Variants in HOOK3 observed in about 807,000 individuals in gnomAD.
The protein encoded by HOOK3 is hook microtubule tethering protein 3.
In HOOK3, 24 loss-of-function variants were observed where a neutral mutation model predicts 116.3. The ratio of observed to expected loss-of-function variants is 0.21; its 90% CI spans 0.15 to 0.29. The LOEUF is 0.29. HOOK3 is among the 10% of genes least tolerant of loss of function. The pLI, the probability that HOOK3 is intolerant of heterozygous loss-of-function variation, is 1.00. For synonymous variants in HOOK3, 275 were observed against 283.0 expected, an observed-to-expected ratio of 0.97 and a Z score of 0.28; for missense variants, 632 against 830.2, an observed-to-expected ratio of 0.76 and a Z score of 2.93.
At chr8:42,946,221 C>G (rs1030127268) in intron 5 of HOOK3, among the ~76,000 whole-genome samples, 3 of 152,074 alleles carry the variant, frequency 2.0e-5, no homozygotes, top group Admixed American at 1.3e-4. Context: ...CACAGATACC[C>G]GTATGATGAA....
chr8:43,004,195 T>TG (rs2130476389), intron 17 of HOOK3, among the ~76,000 whole-genome samples: 1 of 149,236 alleles, frequency 6.7e-6, no homozygotes, highest in South Asian at 2.1e-4. Context: ...GGTGAAACTC[T>TG]GTCTCTACTA....
At chr8:42,962,796 CTTTTTT>C (rs34722373) in intron 8 of HOOK3, among the ~76,000 whole-genome samples, 67 of 99,344 alleles carry the variant, frequency 6.7e-4, no homozygotes, top group Non-Finnish European at 1.1e-3. Context: ...ACTTCTTCTT[CTTTTTT>C]TTTTTTTTTT....
At chr8:42,981,743 G>A (rs1301790848) in intron 13 of HOOK3, among the ~76,000 whole-genome samples, 3 of 151,370 alleles carry the variant, frequency 2.0e-5, no homozygotes, top group Non-Finnish European at 4.4e-5. Context: ...AATTAGCTGG[G>A]CGTGGTGGTG....
At chr8:43,013,254 TAATTG>T in intron 20 of HOOK3, 70 bp from the exon 21 acceptor site, 2 of 1,400,090 alleles carry the variant, frequency 1.4e-6, no homozygotes, top group South Asian at 2.7e-5. Context: ...TTTTAACAAT[TAATTG>T]TAAGTATTTT....
At chr8:42,976,775 T>C (rs1173573178) in intron 13 of HOOK3, among the ~76,000 whole-genome samples, 1 of 152,102 alleles carries the variant, frequency 6.6e-6, no homozygotes, top group Non-Finnish European at 1.5e-5. Flanking sequence ...CGGGTGCCTA[T>C]AGTCCCAGCT....
intron 13 of HOOK3, among the ~76,000 whole-genome samples, chr8:42,976,301 T>G (rs1452202484): frequency 1.3e-5 from 2 of 151,652 alleles, no homozygotes; most frequent in African/African-American, 4.8e-5. Flanking sequence ...AGTTCACAAG[T>G]TCAAGAGCAG....
intron 1 of HOOK3, among the ~76,000 whole-genome samples, chr8:42,898,955 C>A (rs1200031889): frequency 6.6e-6 from 1 of 152,120 alleles, no homozygotes; most frequent in Non-Finnish European, 1.5e-5. Flanking sequence ...ATATCTAATG[C>A]AATTTATTGA....
intron 15 of HOOK3, among the ~76,000 whole-genome samples, chr8:42,996,256 C>T (rs1360057076): frequency 3.3e-5 from 5 of 151,734 alleles, no homozygotes; most frequent in South Asian, 2.1e-4. Flanking sequence ...CATGGTGGTG[C>T]GCATCTGTAA....
At chr8:42,957,786 T>C (rs764791678) in intron 7 of HOOK3, among the ~76,000 whole-genome samples, 1 of 152,158 alleles carries the variant, frequency 6.6e-6, no homozygotes, top group Non-Finnish European at 1.5e-5. Flanking sequence ...TTTTTGTGAT[T>C]TTAACAGAAA....
rs1586639711 is a variant in HOOK3, at chr8:43,024,323, C to T, written c.*5825C>T. On this transcript the variant is annotated 3_prime_UTR_variant, in exon 22 of 22. Coordinates refer to ENST00000307602, the MANE Select transcript of HOOK3 (RefSeq NM_032410.4). ...GCATTGTACTTCTCAACAGTGAAGC[C>T]TGTGTAATACCATACAGTAGGATGA... 5.1e-6 allele frequency: 1 copy of T among 196,928 alleles called. No individual in the cohort carries two copies. Among genetic ancestry groups the T allele is most frequent in the Non-Finnish European group, 1.1e-5 (1 of 94,940 alleles). The allele number at this position is 196,928 out of a possible 1,614,324, so 12.2% of individuals were successfully genotyped here. A position where few individuals can be genotyped will look rare whatever the true frequency, so the allele number is the denominator to read the frequency against.
rs1459176024 is a variant in HOOK3, at chr8:42,950,474, C to T, written c.468+19C>T. 6.4e-7 allele frequency: 1 copy of T among 1,558,702 alleles called. No homozygotes were observed. The highest frequency in any genetic ancestry group is 2.3e-5 in the East Asian group (1 of 44,442). On this transcript the variant is annotated intron_variant, in intron 6 of 21. Coordinates refer to ENST00000307602, the MANE Select transcript of HOOK3 (RefSeq NM_032410.4). ...TCAAGAGGTATGTTGGAGCTTCATGCTTATAGTTTATGAAAAATTAAAGGA... is the reference window on the plus strand; with the variant it reads ...TCAAGAGGTATGTTGGAGCTTCATGTTTATAGTTTATGAAAAATTAAAGGA...
At chr8:42,937,814 T>C (rs1808002496) in intron 4 of HOOK3, among the ~76,000 whole-genome samples, 2 of 152,228 alleles carry the variant, frequency 1.3e-5, no homozygotes, top group African/African-American at 4.8e-5. Context: ...TCCAATTATG[T>C]GGTCAATTTT....
At chr8:42,938,217 C>CT (rs145868661) in intron 4 of HOOK3, among the ~76,000 whole-genome samples, 2,315 of 132,244 alleles carry the variant, frequency 0.018, 97 homozygotes, top group East Asian at 0.17. Flanking sequence ...GCAACCCCTG[C>CT]TTTTTTTTTT....
chr8:42,903,338 CTTT>C (rs1164136399), intron 1 of HOOK3, among the ~76,000 whole-genome samples: 2 of 87,602 alleles, frequency 2.3e-5, no homozygotes, highest in African/African-American at 4.7e-5. Flanking sequence ...TAATAGTTGT[CTTT>C]TTTTTTTTTT....
intron 8 of HOOK3, among the ~76,000 whole-genome samples, chr8:42,963,701 G>T (rs984457822): frequency 6.6e-6 from 1 of 152,156 alleles, no homozygotes; most frequent in Non-Finnish European, 1.5e-5. Context: ...TGGGAGTGTA[G>T]TTATATAATA....
intron 1 of HOOK3, among the ~76,000 whole-genome samples, chr8:42,904,284 T>C (rs1444894993): frequency 6.6e-6 from 1 of 151,656 alleles, no homozygotes; most frequent in African/African-American, 2.4e-5. Flanking sequence ...CACTCCTTCC[T>C]TCATACTGCA....
chr8:42,929,069 G>C (rs1353248977), intron 3 of HOOK3, among the ~76,000 whole-genome samples: 1 of 152,024 alleles, frequency 6.6e-6, no homozygotes, highest in Non-Finnish European at 1.5e-5. Flanking sequence ...CATAAATAAA[G>C]ATAAGATGTA....
At chr8:42,987,032 C>T (rs1387065054) in intron 15 of HOOK3, among the ~76,000 whole-genome samples, 2 of 152,098 alleles carry the variant, frequency 1.3e-5, no homozygotes, top group Admixed American at 6.6e-5. Flanking sequence ...CATGGTGGTG[C>T]ATGCCTGTGG....
At chr8:43,000,539 C>G (rs1586628746) in intron 16 of HOOK3, among the ~76,000 whole-genome samples, 1 of 152,144 alleles carries the variant, frequency 6.6e-6, no homozygotes, top group Admixed American at 6.6e-5. Flanking sequence ...AATTAATTCA[C>G]TTATATAAAT....
Sources: allele counts gnomAD v4.1 joint callset (sites outside exome capture counted in the v4.1 genomes callset), GRCh38; gene constraint gnomAD v4.1.1; transcripts MANE v1.5; gene names NCBI Gene and HGNC (gene_info 2026-07-23, HGNC 2026-07-21).